EDARADD: variants seen among roughly 807,000 people sequenced by gnomAD.
EDARADD encodes the protein ectodysplasin-A receptor-associated adapter protein.
EDARADD carries 20 observed loss-of-function variants against 25.6 expected under a neutral mutation model. The ratio of observed to expected loss-of-function variants is 0.78; its 90% confidence interval spans 0.55 to 1.14. The LOEUF is 1.14. Ranked by LOEUF, EDARADD falls within the 50% of genes most tolerant of loss-of-function variation. The pLI, the probability that EDARADD is intolerant of heterozygous loss-of-function variation, is 0.00. For synonymous variants in EDARADD, 86 were observed against 94.4 expected (o/e 0.91, Z 0.52); for missense variants, 225 against 270.1 (o/e 0.83, Z 1.17).
intron 4 of EDARADD, among the ~76,000 whole-genome samples, chr1:236,462,413 G>A (rs550864950): frequency 5.3e-5 from 8 of 152,196 alleles, no homozygotes; most frequent in African/African-American, 1.7e-4. Flanking sequence ...TGGTCTATTG[G>A]GGTCTCGGTG....
chr1:236,389,535 C>T (rs560971442), upstream of EDARADD, among the ~76,000 whole-genome samples: 4 of 152,342 alleles, frequency 2.6e-5, no homozygotes, highest in South Asian at 8.3e-4. Flanking sequence ...TGCTTAAATA[C>T]ACGCACTGGA....
At chr1:236,434,746 T>G (rs555941219) in intron 4 of EDARADD, among the ~76,000 whole-genome samples, 16 of 152,082 alleles carry the variant, frequency 1.1e-4, no homozygotes, top group Admixed American at 9.2e-4. Flanking sequence ...GAAGGTAAGT[T>G]GAGACCAGGG....
chr1:236,374,082 T>G (rs1667199251), intron 3 of EDARADD, among the ~76,000 whole-genome samples: 1 of 152,210 alleles, frequency 6.6e-6, no homozygotes, highest in African/African-American at 2.4e-5. Flanking sequence ...TATGACCAAG[T>G]CTGTTTGCTA....
chr1:236,438,621 A>G (rs1558124732), intron 4 of EDARADD, among the ~76,000 whole-genome samples: 1 of 152,082 alleles, frequency 6.6e-6, no homozygotes, highest in Non-Finnish European at 1.5e-5. Flanking sequence ...TAATGCTATC[A>G]TTTTCCCACT....
intron 5 of EDARADD, among the ~76,000 whole-genome samples, chr1:236,477,057 A>G (rs1313727462): frequency 6.7e-6 from 1 of 149,896 alleles, no homozygotes; most frequent in Non-Finnish European, 1.5e-5. Flanking sequence ...CCATAAGCAA[A>G]AAAAAAAAAA....
chr1:236,429,724 G>T (rs1479101390), intron 4 of EDARADD, among the ~76,000 whole-genome samples: 5 of 152,056 alleles, frequency 3.3e-5, no homozygotes, highest in Non-Finnish European at 7.4e-5. Context: ...GTGCAAAAAA[G>T]TACACACAGA....
intron 3 of EDARADD, among the ~76,000 whole-genome samples, chr1:236,354,207 A>G (rs1352762742): frequency 6.6e-6 from 1 of 152,178 alleles, no homozygotes; most frequent in Non-Finnish European, 1.5e-5. Context: ...TGCAGCGCCT[A>G]CCCAGGAAAC....
intron 1 of EDARADD, among the ~76,000 whole-genome samples, chr1:236,401,267 A>G (rs1284996760): frequency 1.3e-5 from 2 of 152,206 alleles, no homozygotes; most frequent in African/African-American, 2.4e-5. Flanking sequence ...ACACATTCAA[A>G]TAATTGCCTG....
intron 5 of EDARADD, among the ~76,000 whole-genome samples, chr1:236,476,193 C>CAAATAAAT (rs148065571): frequency 0.047 from 6,820 of 146,052 alleles, 236 homozygotes; most frequent in African/African-American, 0.09. Context: ...GACTCCATCT[C>CAAATAAAT]AAATAAATAA....
chr1:236,348,504 C>G (rs1310506157), intron 1 of EDARADD, among the ~76,000 whole-genome samples: 1 of 152,238 alleles, frequency 6.6e-6, no homozygotes, highest in Non-Finnish European at 1.5e-5. Flanking sequence ...CCCACATCCC[C>G]GGTTACAGCC....
chr1:236,374,109 T>C (rs927715898), intron 3 of EDARADD, among the ~76,000 whole-genome samples: 2 of 152,248 alleles, frequency 1.3e-5, no homozygotes, highest in African/African-American at 4.8e-5. Context: ...TGAATGTTCA[T>C]GTGAGCTTGG....
chr1:236,367,644 T>C (rs2463197), intron 3 of EDARADD, among the ~76,000 whole-genome samples: 133,103 of 152,182 alleles, frequency 0.87, 58,281 homozygotes, highest in East Asian at 0.88. Context: ...GGATCATAGG[T>C]GTGAGTCACC....
intron 5 of EDARADD, among the ~76,000 whole-genome samples, chr1:236,478,690 C>T (rs1207714295): frequency 6.6e-6 from 1 of 152,052 alleles, no homozygotes; most frequent in South Asian, 2.1e-4. Flanking sequence ...GAGTTGACGC[C>T]ATTCTCCTGC....
At chr1:236,461,437 C>G (rs1205408905) in intron 4 of EDARADD, among the ~76,000 whole-genome samples, 1 of 152,162 alleles carries the variant, frequency 6.6e-6, no homozygotes, top group Non-Finnish European at 1.5e-5. Flanking sequence ...CTCTTGGCAC[C>G]TTCGTCAAAA....
intron 4 of EDARADD, among the ~76,000 whole-genome samples, chr1:236,467,031 A>G (rs1204089551): frequency 2.0e-5 from 3 of 151,834 alleles, no homozygotes; most frequent in Non-Finnish European, 4.4e-5. Context: ...GTGCCACTGC[A>G]CTCCAGCCTG....
At chr1:236,369,038 C>G (rs1667144352) in intron 3 of EDARADD, among the ~76,000 whole-genome samples, 1 of 152,106 alleles carries the variant, frequency 6.6e-6, no homozygotes, top group South Asian at 2.1e-4. Context: ...AAGTGATCTG[C>G]CTGCCTCAGC....
chr1:236,461,026 T>A (rs1659025388), intron 4 of EDARADD, among the ~76,000 whole-genome samples: 1 of 152,144 alleles, frequency 6.6e-6, no homozygotes. Flanking sequence ...TTCATCGTGT[T>A]GGCCAGGATG....
At chr1:236,462,067 A>G (rs1365497323) in intron 4 of EDARADD, among the ~76,000 whole-genome samples, 1 of 152,292 alleles carries the variant, frequency 6.6e-6, no homozygotes, top group South Asian at 2.1e-4. Flanking sequence ...GGTTTTTGGA[A>G]GGTGGCTTGA....
At chr1:236,429,555 T>TTTTC (rs1437217435) in intron 4 of EDARADD, among the ~76,000 whole-genome samples, 1 of 151,440 alleles carries the variant, frequency 6.6e-6, no homozygotes, top group Non-Finnish European at 1.5e-5. Context: ...TTTTTTTTTT[T>TTTTC]TGAATTTTTA....
Sources: allele counts gnomAD v4.1 joint callset (sites outside exome capture counted in the v4.1 genomes callset), GRCh38; gene constraint gnomAD v4.1.1; transcripts MANE v1.5; gene names NCBI Gene and HGNC (gene_info 2026-07-23, HGNC 2026-07-21).